The following SMARCC1 variants were observed in gnomAD, a reference collection of about 807,000 sequenced individuals.
SMARCC1 encodes the protein SWI/SNF related BAF chromatin remodeling complex subunit C1.
SMARCC1 carries 43 observed loss-of-function variants against 147.4 expected under a neutral mutation model. That is an observed-to-expected ratio of 0.29 (90% CI 0.23 to 0.38). The LOEUF is 0.38. SMARCC1 is among the 10% of genes least tolerant of loss of function. The pLI is 1.00. For synonymous variants in SMARCC1, 495 were observed against 484.4 expected, an observed-to-expected ratio of 1.02 and a Z score of -0.29; for missense variants, 1,119 against 1,381.1, an observed-to-expected ratio of 0.81 and a Z score of 3.01.
At chr3:47,765,371 C>T (rs2034825938) in intron 2 of SMARCC1, among the ~76,000 whole-genome samples, 1 of 151,640 alleles carries the variant, frequency 6.6e-6, no homozygotes, top group Admixed American at 6.6e-5. Context: ...AATTTCTGAC[C>T]TGGACTGTGG....
rs2034745478 is a variant in SMARCC1, at chr3:47,759,414, A to C, written c.315+13403T>G. 4.8e-5 allele frequency among the ~76,000 whole-genome samples: 7 copies of C among 145,346 alleles called. No homozygotes were observed. The South Asian group carries it at 1.5e-3, about 32-fold the overall frequency. Reference sequence around the variant, plus strand: ...GAGGCGGGCAGATCACAAGGTCGGGAGTTCAAGACCAGCCTGGCCAACATG... The same window carrying C: ...GAGGCGGGCAGATCACAAGGTCGGGCGTTCAAGACCAGCCTGGCCAACATG... On this transcript the variant is annotated intron_variant, in intron 2 of 27. Transcript: ENST00000254480.
chr3:47,660,963 AT>A (rs1576402371), intron 21 of SMARCC1, among the ~76,000 whole-genome samples: 1 of 152,218 alleles, frequency 6.6e-6, no homozygotes, highest in African/African-American at 2.4e-5. Context: ...ATAAATTAAC[AT>A]AATCATAAGT....
chr3:47,694,232 G>A (rs1249017095), intron 11 of SMARCC1, among the ~76,000 whole-genome samples: 1 of 152,104 alleles, frequency 6.6e-6, no homozygotes, highest in Admixed American at 6.6e-5. Flanking sequence ...TTATCTTTGT[G>A]GGTGCATGCA....
chr3:47,627,102 T>A (rs544193257), intron 24 of SMARCC1, among the ~76,000 whole-genome samples: 1 of 152,232 alleles, frequency 6.6e-6, no homozygotes, highest in African/African-American at 2.4e-5. Context: ...ATTTTGCTAT[T>A]GTAAAATAAT....
At position 47,675,520 on chromosome 3, in the gene SMARCC1, G is replaced by T; in HGVS notation, c.1794C>A (p.Asn598Lys). The change falls in exon 18 of 28, where the codon AAC becomes AAA. Residue 598 changes from asparagine (N) to lysine (K), a missense_variant. Around this residue, in one of 6 missense-constraint regions of SMARCC1, gnomAD observed 178 missense variants for 264.6 expected, o/e 0.67. Coordinates refer to ENST00000254480, the MANE Select transcript of SMARCC1 (RefSeq NM_003074.4). ...AGTAAATGTCAGTACGGAGACCAAA[G>T]TTCTGCAAATCAACTGGTTTTTCCT... ...KNKEKPVDLQ[N>K]FGLRTDIYSK... The T allele has an allele frequency of 6.2e-7, 1 of 1,612,996 alleles. No individual in the cohort carries two copies. The highest frequency in any genetic ancestry group is 8.5e-7 in the Non-Finnish European group (1 of 1,178,994).
intron 2 of SMARCC1, among the ~76,000 whole-genome samples, chr3:47,746,904 A>G (rs1426606995): frequency 6.6e-6 from 1 of 151,764 alleles, no homozygotes; most frequent in Non-Finnish European, 1.5e-5. Flanking sequence ...CTAATTTTGC[A>G]TTTTTAGTAG....
At chr3:47,632,598 G>C (rs2032907756) in intron 24 of SMARCC1, among the ~76,000 whole-genome samples, 1 of 152,016 alleles carries the variant, frequency 6.6e-6, no homozygotes, top group East Asian at 1.9e-4. Flanking sequence ...AATCTCTTGA[G>C]CCCAAGAGCT....
chr3:47,773,017 A>C, intron 1 of SMARCC1, 81 bp from the exon 2 acceptor site: 1 of 1,280,080 alleles, frequency 7.8e-7, no homozygotes, highest in Non-Finnish European at 1.1e-6. Flanking sequence ...GTACCTACTA[A>C]GTACTTACGT....
At chr3:47,652,110 C>T (rs1189315752) in intron 21 of SMARCC1, among the ~76,000 whole-genome samples, 2 of 152,208 alleles carry the variant, frequency 1.3e-5, no homozygotes, top group African/African-American at 4.8e-5. Flanking sequence ...GCTAGGACTA[C>T]AGGTTTGCAC....
At position 47,762,207 on chromosome 3, in the gene SMARCC1, C is replaced by T. The variant is rs1444954071; in HGVS notation, c.315+10610G>A. Among the ~76,000 whole-genome samples the T allele has an allele frequency of 5.3e-5, 8 of 152,148 alleles. No individual in the cohort carries two copies. In the East Asian group the frequency reaches 1.2e-3, roughly 22 times the overall value. On this transcript the variant is annotated intron_variant, in intron 2 of 27. Coordinates refer to ENST00000254480, the MANE Select transcript of SMARCC1 (RefSeq NM_003074.4). ...TCTTAGCCCTCTGCATTTACTCCTC[C>T]CCTCCCTCTTCTCAGATGCTACAGG... is the stretch of plus-strand genomic sequence containing the variant.
intron 20 of SMARCC1, among the ~76,000 whole-genome samples, chr3:47,661,937 T>C (rs2033352465): frequency 6.6e-6 from 1 of 152,046 alleles, no homozygotes; most frequent in Non-Finnish European, 1.5e-5. Context: ...AAAACCTCTG[T>C]CCCTCCAATT....
At chr3:47,704,500 G>C (rs1219224037) in intron 10 of SMARCC1, among the ~76,000 whole-genome samples, 2 of 152,102 alleles carry the variant, frequency 1.3e-5, no homozygotes, top group African/African-American at 4.8e-5. Context: ...TCACATCTTG[G>C]TTCAATAACC....
chr3:47,773,687 T>C (rs371692974), intron 1 of SMARCC1, among the ~76,000 whole-genome samples: 13 of 151,970 alleles, frequency 8.6e-5, no homozygotes, highest in East Asian at 3.9e-4. Flanking sequence ...TGGAGTGCAA[T>C]GGCATCATCT....
intron 24 of SMARCC1, among the ~76,000 whole-genome samples, chr3:47,630,179 T>TG (rs1277763221): frequency 2.5e-4 from 1 of 3,948 alleles, no homozygotes; most frequent in Non-Finnish European, 5.6e-4. Flanking sequence ...AGGGTGGGGG[T>TG]GGGGGGTGGG....
chr3:47,735,886 A>G, intron 5 of SMARCC1, 148 bp downstream of exon 5: 1 of 473,556 alleles, frequency 2.1e-6, no homozygotes, highest in Non-Finnish European at 3.7e-6. Context: ...AAAAGAAAAA[A>G]AAAAAAAAAA....
At chr3:47,662,235 GTT>G in intron 20 of SMARCC1, 97 bp downstream of exon 20, 2 of 1,027,696 alleles carry the variant, frequency 1.9e-6, no homozygotes, top group Non-Finnish European at 2.9e-6. Context: ...TCTGATTTTT[GTT>G]ATTTACATTA....
intron 8 of SMARCC1, among the ~76,000 whole-genome samples, chr3:47,711,462 T>C (rs1158020803): frequency 6.6e-6 from 1 of 152,164 alleles, no homozygotes; most frequent in Admixed American, 6.6e-5. Flanking sequence ...TATTTCTCAA[T>C]GGGGGCACAA....
At chr3:47,616,412 T>A (rs2032646551) in intron 25 of SMARCC1, among the ~76,000 whole-genome samples, 1 of 152,228 alleles carries the variant, frequency 6.6e-6, no homozygotes, top group Admixed American at 6.5e-5. Context: ...GAATAGCTAC[T>A]AATTATAGCT....
At chr3:47,685,995 G>T in intron 14 of SMARCC1, 54 bp downstream of exon 14, 2 of 1,500,062 alleles carry the variant, frequency 1.3e-6, no homozygotes, top group Non-Finnish European at 1.8e-6. Context: ...TGATTTCAAG[G>T]AAAGTTCTTG....
Sources: allele counts gnomAD v4.1 joint callset (sites outside exome capture counted in the v4.1 genomes callset), GRCh38; gene constraint gnomAD v4.1.1; regional missense constraint gnomAD v4.1.1; transcripts MANE v1.5; gene names NCBI Gene and HGNC (gene_info 2026-07-23, HGNC 2026-07-21).